The following TADA2A variants were observed in gnomAD, a reference collection of about 807,000 sequenced individuals.
TADA2A encodes the protein transcriptional adapter 2-alpha.
TADA2A carries 38 observed loss-of-function variants against 67.4 expected under a neutral mutation model. That is an observed-to-expected ratio of 0.56 (90% CI 0.44 to 0.74). The LOEUF is 0.74. TADA2A is among the 30% of genes least tolerant of loss of function. The probability of loss-of-function intolerance (pLI) is 0.00; values close to 1 mark genes in which losing one functional copy is unlikely to be tolerated. For synonymous variants in TADA2A, 192 were observed against 181.6 expected (o/e 1.06, Z -0.46); for missense variants, 454 against 547.0 (o/e 0.83, Z 1.70).
At position 37,465,543 on chromosome 17, in the gene TADA2A, T is replaced by C; in HGVS notation, c.823+2T>C. On this transcript the variant is annotated splice_donor_variant, in intron 11 of 15. Coordinates refer to ENST00000615182, the MANE Select transcript of TADA2A (RefSeq NM_001166105.3). LOFTEE classifies it high-confidence loss of function. ...ACAAATTCATTGAAAGCCATGCATG[T>C]AGGTGGTTTTTGAGCCTTGAGCAGT... The C allele has an allele frequency of 6.2e-7, 1 of 1,614,054 alleles. No individual in the cohort carries two copies. The highest frequency in any genetic ancestry group is 2.2e-5 in the East Asian group (1 of 44,872).
intron 7 of TADA2A, among the ~76,000 whole-genome samples, chr17:37,443,445 G>C (rs373780852): frequency 2.6e-5 from 4 of 152,054 alleles, no homozygotes; most frequent in South Asian, 4.2e-4. Context: ...GTAGAGATAG[G>C]GTTTCACCAT....
intron 14 of TADA2A, among the ~76,000 whole-genome samples, chr17:37,471,781 C>T (rs1175656567): frequency 6.6e-6 from 1 of 152,176 alleles, no homozygotes; most frequent in Non-Finnish European, 1.5e-5. Flanking sequence ...GCTGGAATTA[C>T]AGGCGTGAGC....
intron 8 of TADA2A, among the ~76,000 whole-genome samples, chr17:37,445,631 C>T (rs1338799983): frequency 2.6e-5 from 4 of 152,156 alleles, no homozygotes; most frequent in African/African-American, 4.8e-5. Flanking sequence ...TTTCCTAAAA[C>T]TTATGTGGTG....
At chr17:37,422,595 C>G (rs190389913) in intron 2 of TADA2A, among the ~76,000 whole-genome samples, 1 of 151,798 alleles carries the variant, frequency 6.6e-6, no homozygotes, top group Non-Finnish European at 1.5e-5. Flanking sequence ...CAACCTTTGC[C>G]TTCCGGGTTC....
Position 37,440,500 on chromosome 17 carries a change from T to C in TADA2A, c.285-5T>C. ...CACTTCTCTCTTTTTCCCACAATCC[T>C]CTAGGCAGGATGTAGCCAATCAAAT... On this transcript the variant is annotated splice_region_variant and splice_polypyrimidine_tract_variant and intron_variant, in intron 5 of 15. Transcript: ENST00000615182. 1 of 1,613,940 alleles carries C rather than the reference T, an allele frequency of 6.2e-7. No homozygotes were observed. Among genetic ancestry groups the C allele is most frequent in the Non-Finnish European group, 8.5e-7 (1 of 1,179,864 alleles).
chr17:37,457,491 C>CTTT (rs71135729), intron 8 of TADA2A, among the ~76,000 whole-genome samples: 48 of 72,406 alleles, frequency 6.6e-4, no homozygotes, highest in Non-Finnish European at 8.2e-4. Context: ...AACATTAATT[C>CTTT]TTTTTTTTTT....
At position 37,462,266 on chromosome 17, in the gene TADA2A, G is replaced by T. The variant is rs113221708; in HGVS notation, c.712+145G>T. On this transcript the variant is annotated intron_variant, in intron 10 of 15. Transcript: ENST00000615182. ...GACTAATGAAGTAAGAATCTCTGGG[G>T]TTGGAGGCACAGCACCTGCATTTTT... 1,245 of 576,692 alleles carry T rather than the reference G, an allele frequency of 2.2e-3. 6 individuals carry two copies. Among genetic ancestry groups the T allele is most frequent in the African/African-American group, 0.017 (866 of 51,166 alleles). 35.7% of individuals were successfully genotyped at this position (576,692 alleles called of 1,614,324 possible).
Position 37,429,803 on chromosome 17 carries a change from C to CTG in TADA2A, c.192+2795_192+2796insGT, listed in dbSNP as rs2052518520. Among the ~76,000 whole-genome samples the CTG allele has an allele frequency of 2.8e-5, 4 of 141,580 alleles. No individual in the cohort carries two copies. In the Admixed American group the frequency reaches 3.0e-4, roughly 11 times the overall value. The allele number at this position is 141,580 out of a possible 152,430, so 92.9% of individuals were successfully genotyped here. ...CTTGGGAGCCAACTAACTAGCCTTC[C>CTG]TCTATCCATCTCTAAACAATTTCAG... On this transcript the variant is annotated intron_variant, in intron 4 of 15. Coordinates refer to ENST00000615182, the MANE Select transcript of TADA2A (RefSeq NM_001166105.3).
chr17:37,431,951 C>T (rs151072444), intron 4 of TADA2A, among the ~76,000 whole-genome samples: 3 of 152,244 alleles, frequency 2.0e-5, no homozygotes, highest in African/African-American at 4.8e-5. Context: ...TAGGTCTCTA[C>T]GTAATTCTAG....
chr17:37,464,965 G>T (rs896567930), intron 10 of TADA2A, among the ~76,000 whole-genome samples: 1 of 151,934 alleles, frequency 6.6e-6, no homozygotes, highest in African/African-American at 2.4e-5. Flanking sequence ...TGGCCAATGT[G>T]GTGAAATTCC....
intron 2 of TADA2A, among the ~76,000 whole-genome samples, chr17:37,423,128 G>A (rs1299551960): frequency 6.6e-6 from 1 of 152,152 alleles, no homozygotes; most frequent in Non-Finnish European, 1.5e-5. Context: ...CTACTTGGGA[G>A]GCTGAGGCAG....
In TADA2A at chr17:37,409,360, G is replaced by T. The variant is rs866127773; in HGVS notation, c.-97-1909G>T. ...TGCCTCAGTCTCCCAAAGTGCTGGAGTTACAGACATGAGCTACCACACCCA... is the reference window on the plus strand; with the variant it reads ...TGCCTCAGTCTCCCAAAGTGCTGGATTTACAGACATGAGCTACCACACCCA... On this transcript the variant is annotated intron_variant, in intron 1 of 15. Transcript: ENST00000615182. 1.1e-4 allele frequency among the ~76,000 whole-genome samples: 17 copies of T among 152,244 alleles called. 1 individual carries two copies. In the Middle Eastern group the frequency reaches 0.014, roughly 122 times the overall value.
intron 11 of TADA2A, 67 bp downstream of exon 11, chr17:37,465,608 G>T (rs772091832): frequency 6.9e-6 from 11 of 1,598,468 alleles, no homozygotes; most frequent in African/African-American, 1.3e-5. Flanking sequence ...AGAGATAATG[G>T]TGTGTTTTAT....
At position 37,437,725 on chromosome 17, in the gene TADA2A, T is replaced by G; in HGVS notation, c.193-13T>G. Reference sequence around the variant, plus strand: ...TGTATCTCTGTTCTTAAGCAAAACTTTTTTCTCCTTAGACTTCAGATTTTC... The same window carrying G: ...TGTATCTCTGTTCTTAAGCAAAACTGTTTTCTCCTTAGACTTCAGATTTTC... On this transcript the variant is annotated splice_polypyrimidine_tract_variant and intron_variant, in intron 4 of 15. Coordinates refer to ENST00000615182, the MANE Select transcript of TADA2A (RefSeq NM_001166105.3). 3 of 1,613,548 alleles carry G rather than the reference T, an allele frequency of 1.9e-6. No individual in the cohort carries two copies. Among genetic ancestry groups the G allele is most frequent in the Non-Finnish European group, 1.7e-6 (2 of 1,179,606 alleles).
intron 2 of TADA2A, among the ~76,000 whole-genome samples, chr17:37,417,056 A>G (rs1382634549): frequency 6.6e-6 from 1 of 152,000 alleles, no homozygotes; most frequent in Non-Finnish European, 1.5e-5. Flanking sequence ...GTTCTAGGAA[A>G]ATATATATCC....
chr17:37,443,654 G>A (rs1172854135), intron 7 of TADA2A, among the ~76,000 whole-genome samples: 3 of 152,046 alleles, frequency 2.0e-5, no homozygotes, highest in African/African-American at 7.2e-5. Flanking sequence ...AAATATTTTA[G>A]GTTTAGTATG....
At chr17:37,411,864 A>G (rs1019536462) in intron 2 of TADA2A, among the ~76,000 whole-genome samples, 6 of 151,240 alleles carry the variant, frequency 4.0e-5, no homozygotes, top group African/African-American at 1.2e-4. Flanking sequence ...CAATTAATAC[A>G]TATTGATTAC....
chr17:37,458,867 G>A (rs531412560), intron 9 of TADA2A, among the ~76,000 whole-genome samples: 9 of 152,006 alleles, frequency 5.9e-5, no homozygotes, highest in African/African-American at 1.7e-4. Context: ...TTGTAGATAC[G>A]GGGTTTTGCT....
chr17:37,412,482 CTA>C (rs1427922860), intron 2 of TADA2A, among the ~76,000 whole-genome samples: 3 of 151,880 alleles, frequency 2.0e-5, no homozygotes, highest in Admixed American at 2.0e-4. Context: ...GTAGCCATAA[CTA>C]TGGATAAAAA....
Sources: allele counts gnomAD v4.1 joint callset (sites outside exome capture counted in the v4.1 genomes callset), GRCh38; gene constraint gnomAD v4.1.1; transcripts MANE v1.5; gene names NCBI Gene and HGNC (gene_info 2026-07-23, HGNC 2026-07-21).